Variants in CCDC125 observed in about 807,000 individuals in gnomAD.
The protein encoded by CCDC125 is coiled-coil domain-containing protein 125.
CCDC125 carries 43 observed loss-of-function variants against 57.4 expected under a neutral mutation model. The ratio of observed to expected loss-of-function variants is 0.75; its 90% CI spans 0.59 to 0.97. CCDC125 has a LOEUF of 0.97. Among genes scored for constraint, CCDC125 ranks in the 50% least tolerant of loss-of-function variants. The pLI is 0.00. For missense variants in CCDC125, 563 were observed against 595.7 expected (o/e 0.95, Z 0.57); for synonymous variants, 187 against 195.2 (o/e 0.96, Z 0.35).
chr5:69,299,553 C>T (rs1756027610), intron 8 of CCDC125, among the ~76,000 whole-genome samples: 2 of 152,198 alleles, frequency 1.3e-5, no homozygotes, highest in African/African-American at 4.8e-5. Flanking sequence ...TGTTCTGAAC[C>T]TGGCTTTACC....
chr5:69,275,045 C>T, the CCDC125 span, among the ~76,000 whole-genome samples: 1 of 144,162 alleles, frequency 6.9e-6, no homozygotes, highest in Non-Finnish European at 1.5e-5. Flanking sequence ...GCCTGGGCAA[C>T]AGGGTGAGAC....
intron 3 of CCDC125, 99 bp from the exon 4 acceptor site, chr5:69,311,303 T>A: frequency 1.5e-6 from 1 of 649,436 alleles, no homozygotes; most frequent in East Asian, 3.0e-5. Flanking sequence ...TCAAACCACT[T>A]ACAAATGTGG....
chr5:69,312,509 G>T (rs1329365790), intron 3 of CCDC125, among the ~76,000 whole-genome samples: 1 of 152,166 alleles, frequency 6.6e-6, no homozygotes, highest in Non-Finnish European at 1.5e-5. Context: ...TTTCCACCAA[G>T]GCAGTGGGCT....
intron 2 of CCDC125, among the ~76,000 whole-genome samples, chr5:69,315,437 C>CA (rs35967140): frequency 4.0e-4 from 8 of 19,986 alleles, no homozygotes; most frequent in African/African-American, 5.2e-4. Context: ...GATTCTGTCT[C>CA]AAAAAAAAAA....
chr5:69,313,279 GC>G, intron 3 of CCDC125: 1 of 593,110 alleles, frequency 1.7e-6, no homozygotes, highest in Non-Finnish European at 3.0e-6. Flanking sequence ...GATTCCCCCA[GC>G]CCCTCCTATC....
At chr5:69,300,926 C>T (rs1450514939) in intron 7 of CCDC125, among the ~76,000 whole-genome samples, 1 of 147,494 alleles carries the variant, frequency 6.8e-6, no homozygotes, top group Non-Finnish European at 1.5e-5. Flanking sequence ...GAGTCTTGCT[C>T]TGTCACTCAG....
intron 2 of CCDC125, among the ~76,000 whole-genome samples, chr5:69,316,327 A>C (rs1027373576): frequency 4.6e-5 from 7 of 152,222 alleles, no homozygotes. Context: ...AAGTGAGTCC[A>C]GTGTACTCAT....
At chr5:69,313,845 C>A in intron 3 of CCDC125, 140 bp downstream of exon 3, 1 of 850,602 alleles carries the variant, frequency 1.2e-6, no homozygotes, top group South Asian at 1.3e-5. Flanking sequence ...TTGATGACAC[C>A]ATCAGAGACA....
chr5:69,277,976 TC>T (rs796303193), downstream of CCDC125, among the ~76,000 whole-genome samples: 4 of 152,174 alleles, frequency 2.6e-5, 1 homozygote, highest in African/African-American at 9.6e-5. Flanking sequence ...AACTCTGCCT[TC>T]AAGTGATTCA....
At chr5:69,295,022 A>T (rs1373297313) in intron 8 of CCDC125, 122 bp from the exon 9 acceptor site, 2 of 661,538 alleles carry the variant, frequency 3.0e-6, no homozygotes, top group African/African-American at 1.9e-5. Flanking sequence ...ATCCAAAAAA[A>T]CTGGAAAGGA....
chr5:69,326,648 A>G (rs1760767877), intron 1 of CCDC125, among the ~76,000 whole-genome samples: 1 of 152,212 alleles, frequency 6.6e-6, no homozygotes. Flanking sequence ...TTTTCAATGC[A>G]CCACATAAAT....
chr5:69,313,860 C>CT (rs1208029263), intron 3 of CCDC125, 125 bp downstream of exon 3: 13 of 873,316 alleles, frequency 1.5e-5, no homozygotes, highest in Non-Finnish European at 2.0e-5. Context: ...GAGACAGCCA[C>CT]AACAGAGGCC....
At chr5:69,322,264 AGT>A (rs1760147544) in intron 1 of CCDC125, among the ~76,000 whole-genome samples, 1 of 151,722 alleles carries the variant, frequency 6.6e-6, no homozygotes, top group African/African-American at 2.4e-5. Flanking sequence ...GGATGACAGG[AGT>A]GAGGCACCAC....
intron 3 of CCDC125, among the ~76,000 whole-genome samples, chr5:69,311,812 C>A (rs1439003977): frequency 1.3e-5 from 2 of 151,804 alleles, no homozygotes; most frequent in Admixed American, 6.6e-5. Context: ...CAGCTCACTG[C>A]AACCTCTGCC....
chr5:69,328,646 A>G (rs1761017530), intron 1 of CCDC125, among the ~76,000 whole-genome samples: 1 of 152,214 alleles, frequency 6.6e-6, no homozygotes, highest in African/African-American at 2.4e-5. Flanking sequence ...AAAATAAATT[A>G]GTAGGATTAG....
intron 6 of CCDC125, 112 bp downstream of exon 6, chr5:69,306,705 A>G: frequency 1.7e-6 from 2 of 1,190,268 alleles, no homozygotes; most frequent in Non-Finnish European, 2.2e-6. Context: ...TGGATAAGCA[A>G]TAAAAATTTT....
At chr5:69,315,439 A>G (rs1758870901) in intron 2 of CCDC125, among the ~76,000 whole-genome samples, 1 of 24,476 alleles carries the variant, frequency 4.1e-5, no homozygotes, top group Non-Finnish European at 1.5e-4. Flanking sequence ...TTCTGTCTCA[A>G]AAAAAAAAAA....
At chr5:69,290,141 C>A (rs931227491) in intron 10 of CCDC125, among the ~76,000 whole-genome samples, 1 of 151,864 alleles carries the variant, frequency 6.6e-6, no homozygotes, top group Non-Finnish European at 1.5e-5. Context: ...CACTTCTTAC[C>A]CTTTTCAGCA....
intron 2 of CCDC125, among the ~76,000 whole-genome samples, chr5:69,318,037 A>C (rs1317426698): frequency 7.5e-6 from 1 of 133,032 alleles, no homozygotes; most frequent in African/African-American, 2.9e-5. Flanking sequence ...GCTGGAGCGC[A>C]GTGGTGCGAT....
Sources: allele counts gnomAD v4.1 joint callset (sites outside exome capture counted in the v4.1 genomes callset), GRCh38; gene constraint gnomAD v4.1.1; transcripts MANE v1.5; gene names NCBI Gene and HGNC (gene_info 2026-07-23, HGNC 2026-07-21).